CCDC42: variants seen among roughly 807,000 people sequenced by gnomAD.
CCDC42 encodes coiled-coil domain containing 42, also known as coiled-coil domain-containing protein 42.
Under a neutral mutation model 40.8 loss-of-function variants are expected in CCDC42, and 38 were observed. The observed-to-expected ratio is 0.93, with a 90% CI of 0.72 to 1.22. CCDC42 has a LOEUF of 1.22. CCDC42 is among the 50% of genes most tolerant of loss of function. The pLI, the probability that CCDC42 is intolerant of heterozygous loss-of-function variation, is 0.00. For synonymous variants in CCDC42, 135 were observed against 157.5 expected (o/e 0.86, Z 1.07); for missense variants, 379 against 416.5 (o/e 0.91, Z 0.78).
At chr17:8,739,792 C>G (rs113708779) in intron 4 of CCDC42, among the ~76,000 whole-genome samples, 13 of 152,294 alleles carry the variant, frequency 8.5e-5, no homozygotes, top group African/African-American at 2.6e-4. Context: ...ATCCACCTAC[C>G]TCGGCCTCCC....
intron 4 of CCDC42, among the ~76,000 whole-genome samples, chr17:8,739,062 T>G (rs1427707708): frequency 6.6e-6 from 1 of 152,164 alleles, no homozygotes; most frequent in African/African-American, 2.4e-5. Context: ...TGTGTGTCTC[T>G]ATACTTTCCA....
At chr17:8,734,994 C>T (rs1296637806) in intron 6 of CCDC42, 102 bp downstream of exon 6, 1 of 1,284,492 alleles carries the variant, frequency 7.8e-7, no homozygotes, top group Non-Finnish European at 1.1e-6. Flanking sequence ...TTTGAGAGTC[C>T]CTGCTCTGCT....
chr17:8,739,944 C>T (rs998222740), intron 4 of CCDC42, among the ~76,000 whole-genome samples: 1 of 152,128 alleles, frequency 6.6e-6, no homozygotes, highest in South Asian at 2.1e-4. Context: ...CCTTATAGTA[C>T]GTAGCACCTT....
chr17:8,740,852 C>T (rs111358127), intron 4 of CCDC42, among the ~76,000 whole-genome samples: 16 of 152,276 alleles, frequency 1.1e-4, no homozygotes, highest in African/African-American at 3.4e-4. Flanking sequence ...CTTAACCTCT[C>T]GGAGCCTCCA....
intron 4 of CCDC42, among the ~76,000 whole-genome samples, chr17:8,737,188 C>A (rs1343885827): frequency 6.6e-6 from 1 of 152,160 alleles, no homozygotes; most frequent in African/African-American, 2.4e-5. Context: ...TTCACGTGTG[C>A]ATTTCTGAAA....
chr17:8,739,598 A>G (rs1258324443), intron 4 of CCDC42, among the ~76,000 whole-genome samples: 1 of 152,136 alleles, frequency 6.6e-6, no homozygotes, highest in African/African-American at 2.4e-5. Context: ...GCTGGAGTGC[A>G]ATGGTGCAAC....
rs749482733 is a variant in CCDC42 at position 8,735,294 on chromosome 17, G to GGT, written c.715-42_715-41dup. The GGT allele has an allele frequency of 1.2e-6, 2 of 1,612,016 alleles. No individual in the cohort carries two copies. Among genetic ancestry groups the GGT allele is most frequent in the Non-Finnish European group, 1.7e-6 (2 of 1,178,318 alleles). On this transcript the variant is annotated intron_variant, in intron 5 of 6. Transcript: ENST00000293845. This position sits in a 1 kb window ranked among gnomAD's most constrained non-coding sequence, Gnocchi z 4.7. ...AGGACGGGGCATGAGCACAGCATGT[G>GGT]GTGTGTGTGTGTTTGTGTGTATGTG...
Position 8,735,087 on chromosome 17 carries a change from T to C in CCDC42, c.873+9A>G, listed in dbSNP as rs1175662221. On this transcript the variant is annotated intron_variant, in intron 6 of 6. Coordinates refer to ENST00000293845, the MANE Select transcript of CCDC42 (RefSeq NM_144681.3). This position sits in a 1 kb window ranked among gnomAD's most constrained non-coding sequence, Gnocchi z 4.7. ...CCCCACGGGCCCAGTGCCTGTCCCC[T>C]CCTCCTACCATGTCCAGCTGCTTGT... 2.5e-6 allele frequency: 4 copies of C among 1,613,876 alleles called. No individual in the cohort carries two copies. The highest frequency in any genetic ancestry group is 3.4e-6 in the Non-Finnish European group (4 of 1,179,984).
intron 6 of CCDC42, 148 bp downstream of exon 6, chr17:8,734,948 T>G (rs907186830): frequency 2.0e-4 from 151 of 771,714 alleles, no homozygotes; most frequent in Non-Finnish European, 2.9e-4. Context: ...CCAGTAATAC[T>G]CCTCACCCTC....
At chr17:8,733,260 C>A (rs1235352712) in intron 6 of CCDC42, among the ~76,000 whole-genome samples, 1 of 152,126 alleles carries the variant, frequency 6.6e-6, no homozygotes, top group East Asian at 1.9e-4. Flanking sequence ...TTTCCCAGGT[C>A]CTTAAGTTTA....
At chr17:8,732,125 C>T (rs575800094) in intron 6 of CCDC42, among the ~76,000 whole-genome samples, 1 of 152,086 alleles carries the variant, frequency 6.6e-6, no homozygotes, top group African/African-American at 2.4e-5. Context: ...ACGGTGAAAC[C>T]CCGTCTCTAC....
chr17:8,738,631 A>G (rs532136584), intron 4 of CCDC42, among the ~76,000 whole-genome samples: 1 of 152,078 alleles, frequency 6.6e-6, no homozygotes, highest in South Asian at 2.1e-4. Flanking sequence ...ACGCCCAGCT[A>G]ATTTTTGTAT....
At position 8,730,122 on chromosome 17, in the gene CCDC42, C is replaced by A. The variant is rs2086570652; in HGVS notation, c.*8G>T. 1 of 1,612,884 alleles carries A rather than the reference C, an allele frequency of 6.2e-7. No homozygotes were observed. Among genetic ancestry groups the A allele is most frequent in the Non-Finnish European group, 8.5e-7 (1 of 1,179,060 alleles). On this transcript the variant is annotated 3_prime_UTR_variant, in exon 7 of 7. Coordinates refer to ENST00000293845, the MANE Select transcript of CCDC42 (RefSeq NM_144681.3). ...TGTCTCAGGACATTCTGGAACAAGG[C>A]TGCCTCCTTAAATCCGGACTCGCTG...
chr17:8,732,639 A>G (rs950298100), intron 6 of CCDC42, among the ~76,000 whole-genome samples: 3 of 152,232 alleles, frequency 2.0e-5, no homozygotes, highest in African/African-American at 7.2e-5. Context: ...CAGTTTTAGA[A>G]ACGCTGTCTG....
chr17:8,739,417 G>A (rs2086628892), intron 4 of CCDC42, among the ~76,000 whole-genome samples: 1 of 152,234 alleles, frequency 6.6e-6, no homozygotes. Flanking sequence ...CAGATGAGAT[G>A]AGTGTGCATG....
chr17:8,736,033 A>C (rs2086610151), intron 4 of CCDC42, among the ~76,000 whole-genome samples: 1 of 152,210 alleles, frequency 6.6e-6, no homozygotes, highest in African/African-American at 2.4e-5. Context: ...GATGGAAGGC[A>C]TTTTGCAATG....
intron 6 of CCDC42, among the ~76,000 whole-genome samples, chr17:8,733,679 T>TG (rs2086593084): frequency 6.6e-6 from 1 of 152,006 alleles, no homozygotes; most frequent in Non-Finnish European, 1.5e-5. Flanking sequence ...TTAGTAGAGA[T>TG]GGGGTTTCAC....
chr17:8,744,212 T>C (rs1195398410), intron 1 of CCDC42, 28 bp from the exon 2 acceptor site: 33 of 1,559,800 alleles, frequency 2.1e-5, no homozygotes, highest in Non-Finnish European at 2.8e-5. Flanking sequence ...GCGAGAGGGC[T>C]GTGTGTTCTG....
intron 4 of CCDC42, among the ~76,000 whole-genome samples, chr17:8,739,369 C>T (rs147591556): frequency 1.2e-4 from 19 of 152,250 alleles, no homozygotes; most frequent in South Asian, 6.2e-4. Context: ...CACAGGTCGT[C>T]GCGCCAGCGG....
Sources: allele counts gnomAD v4.1 joint callset (sites outside exome capture counted in the v4.1 genomes callset), GRCh38; gene constraint gnomAD v4.1.1; non-coding constraint Gnocchi (gnomAD v3.1); transcripts MANE v1.5; gene names NCBI Gene and HGNC (gene_info 2026-07-23, HGNC 2026-07-21).